The following CNTNAP5 variants were observed in gnomAD, a reference collection of about 807,000 sequenced individuals.
The protein encoded by CNTNAP5 is contactin-associated protein-like 5.
Under a neutral mutation model 150.2 loss-of-function variants are expected in CNTNAP5, and 72 were observed. The observed-to-expected ratio is 0.48, with a 90% CI of 0.40 to 0.58. CNTNAP5 has a LOEUF of 0.58. Among genes scored for constraint, CNTNAP5 ranks in the 20% least tolerant of loss-of-function variants. CNTNAP5 has a pLI of 0.00. For synonymous variants in CNTNAP5, 672 were observed against 619.8 expected (o/e 1.08, Z -1.25); for missense variants, 1,636 against 1,626.2 (o/e 1.01, Z -0.10).
Position 124,567,888 on chromosome 2 carries a change from TAGA to T in CNTNAP5, c.1756+4566_1756+4568del, listed in dbSNP as rs201256893. 1.5e-3 allele frequency among the ~76,000 whole-genome samples: 225 copies of T among 150,958 alleles called. 1 individual carries two copies. The highest frequency in any genetic ancestry group is 4.9e-3 in the African/African-American group (201 of 40,960). On this transcript the variant is annotated intron_variant, in intron 11 of 23. Coordinates refer to ENST00000682447, the MANE Select transcript of CNTNAP5 (RefSeq NM_001367498.1). ...AGATAGATAGATAGATAGATATAGATAGATAGATACCATTACAACATATCAATA... is the reference window on the plus strand; with the variant it reads ...AGATAGATAGATAGATAGATATAGATTAGATACCATTACAACATATCAATA...
chr2:124,416,079 CTAAT>C (rs1397740656), intron 3 of CNTNAP5, among the ~76,000 whole-genome samples: 1 of 151,726 alleles, frequency 6.6e-6, no homozygotes. Context: ...GTAATCTTCC[CTAAT>C]TAATTACATT....
intron 3 of CNTNAP5, among the ~76,000 whole-genome samples, chr2:124,260,679 C>A (rs1037226166): frequency 1.3e-5 from 2 of 152,090 alleles, no homozygotes; most frequent in African/African-American, 4.8e-5. Context: ...ATACTTTCAA[C>A]CAGCATAGCT....
intron 3 of CNTNAP5, among the ~76,000 whole-genome samples, chr2:124,384,821 A>G (rs1007754615): frequency 6.6e-6 from 1 of 152,222 alleles, no homozygotes. Flanking sequence ...GAAAAGGGCC[A>G]GGGATGATCT....
chr2:124,125,024 GCTAAAT>G (rs1390550218), intron 1 of CNTNAP5, among the ~76,000 whole-genome samples: 2 of 152,108 alleles, frequency 1.3e-5, no homozygotes, highest in Non-Finnish European at 2.9e-5. Flanking sequence ...AAAACAACCA[GCTAAAT>G]CAAAATAACG....
intron 13 of CNTNAP5, among the ~76,000 whole-genome samples, chr2:124,693,549 C>T (rs1679341675): frequency 6.6e-6 from 1 of 152,038 alleles, no homozygotes; most frequent in South Asian, 2.1e-4. Flanking sequence ...AGAATGGTAA[C>T]CATTGATATC....
At chr2:124,385,222 G>A (rs1690898278) in intron 3 of CNTNAP5, among the ~76,000 whole-genome samples, 1 of 152,236 alleles carries the variant, frequency 6.6e-6, no homozygotes, top group Non-Finnish European at 1.5e-5. Flanking sequence ...GGGTAAGGAT[G>A]ATGGTTGTGT....
intron 17 of CNTNAP5, among the ~76,000 whole-genome samples, chr2:124,786,416 AAGG>A (rs1334464951): frequency 2.0e-4 from 22 of 111,740 alleles, no homozygotes; most frequent in African/African-American, 7.9e-4. Context: ...GGAAGGAAGG[AAGG>A]AAGGAAGGAA....
chr2:124,541,903 A>T (rs1695395193), intron 10 of CNTNAP5, among the ~76,000 whole-genome samples: 1 of 152,118 alleles, frequency 6.6e-6, no homozygotes, highest in African/African-American at 2.4e-5. Flanking sequence ...ATTTGCAACC[A>T]CTGCATTCTC....
Position 124,694,994 on chromosome 2 carries a change from T to TTG in CNTNAP5, c.2077+47064_2077+47065dup, listed in dbSNP as rs138349590. Among the ~76,000 whole-genome samples, 1,354 of 150,256 alleles carry TTG rather than the reference T, an allele frequency of 9.0e-3. 10 individuals carry two copies. The highest frequency in any genetic ancestry group is 0.021 in the African/African-American group (846 of 40,802). ...GAATACTAGTAGAATATTTCCTAAA[T>TTG]TGTGTGTGTGTGTGTGTGTGTGTGT... On this transcript the variant is annotated intron_variant, in intron 13 of 23. Transcript: ENST00000682447.
intron 7 of CNTNAP5, among the ~76,000 whole-genome samples, chr2:124,499,341 G>A (rs1011828415): frequency 8.5e-5 from 13 of 152,124 alleles, no homozygotes; most frequent in African/African-American, 3.1e-4. Flanking sequence ...TCCACAGGTA[G>A]CACACACGAC....
At chr2:124,182,986 G>A (rs973088644) in intron 1 of CNTNAP5, among the ~76,000 whole-genome samples, 1 of 152,130 alleles carries the variant, frequency 6.6e-6, no homozygotes, top group African/African-American at 2.4e-5. Flanking sequence ...CTCACAAGTA[G>A]CAAGTAAATA....
intron 16 of CNTNAP5, among the ~76,000 whole-genome samples, chr2:124,766,273 T>A (rs1040905518): frequency 3.9e-5 from 6 of 152,116 alleles, no homozygotes; most frequent in African/African-American, 1.4e-4. Context: ...TCTAAATGAA[T>A]GTTTTTCTGT....
intron 3 of CNTNAP5, among the ~76,000 whole-genome samples, chr2:124,409,779 A>G (rs1374817207): frequency 6.6e-6 from 1 of 151,988 alleles, no homozygotes; most frequent in Non-Finnish European, 1.5e-5. Flanking sequence ...AATCAAGCCA[A>G]AATGTAAAGA....
chr2:124,271,610 T>C (rs546550719), intron 3 of CNTNAP5, among the ~76,000 whole-genome samples: 2 of 152,298 alleles, frequency 1.3e-5, no homozygotes, highest in South Asian at 4.1e-4. Context: ...AGAAAAACTT[T>C]GGCTTGGAAA....
At chr2:124,903,944 C>T (rs1199303235) in intron 22 of CNTNAP5, among the ~76,000 whole-genome samples, 2 of 148,560 alleles carry the variant, frequency 1.3e-5, no homozygotes, top group African/African-American at 2.5e-5. Flanking sequence ...ATTCCAGCTA[C>T]TTGGGAGGCT....
chr2:124,567,858 T>TAGATAGATAGATAGATAGATAG (rs1696062730), intron 11 of CNTNAP5, among the ~76,000 whole-genome samples: 5 of 132,922 alleles, frequency 3.8e-5, no homozygotes, highest in African/African-American at 1.4e-4. Flanking sequence ...GATAGATAGA[T>TAGATAGATAGATAGATAGATAG]AGATAGATAG....
intron 19 of CNTNAP5, among the ~76,000 whole-genome samples, chr2:124,850,574 A>G (rs1373110629): frequency 6.6e-6 from 1 of 152,242 alleles, no homozygotes; most frequent in African/African-American, 2.4e-5. Flanking sequence ...CCAGCCTCCA[A>G]ATTTCTATTA....
At chr2:124,290,048 A>C (rs536370144) in intron 3 of CNTNAP5, among the ~76,000 whole-genome samples, 5 of 152,266 alleles carry the variant, frequency 3.3e-5, no homozygotes, top group Non-Finnish European at 7.3e-5. Context: ...GGTGTTTATA[A>C]ATCTTTGAAG....
intron 3 of CNTNAP5, among the ~76,000 whole-genome samples, chr2:124,315,364 T>G (rs1421058830): frequency 6.6e-6 from 1 of 152,216 alleles, no homozygotes; most frequent in African/African-American, 2.4e-5. Flanking sequence ...ATGTAAAATT[T>G]GAAGGCTAAA....
Sources: allele counts gnomAD v4.1 joint callset (sites outside exome capture counted in the v4.1 genomes callset), GRCh38; gene constraint gnomAD v4.1.1; transcripts MANE v1.5; gene names NCBI Gene and HGNC (gene_info 2026-07-23, HGNC 2026-07-21).